Variants in ACAD11 observed in about 807,000 individuals in gnomAD.
ACAD11 encodes the protein acyl-Coenzyme A dehydrogenase family, member 11.
ACAD11 carries 83 observed loss-of-function variants against 102.2 expected under a neutral mutation model. The observed-to-expected ratio is 0.81, with a 90% confidence interval of 0.68 to 0.97. ACAD11 has a LOEUF of 0.97. Ranked by LOEUF, ACAD11 falls within the 50% of genes least tolerant of loss-of-function variation. The pLI is 0.00. For missense variants in ACAD11, 901 were observed against 951.7 expected, an observed-to-expected ratio of 0.95 and a Z score of 0.70; for synonymous variants, 324 against 319.8, an observed-to-expected ratio of 1.01 and a Z score of -0.14.
At chr3:132,587,825 C>A (rs1323257660) in intron 13 of ACAD11, among the ~76,000 whole-genome samples, 1 of 152,142 alleles carries the variant, frequency 6.6e-6, no homozygotes, top group Non-Finnish European at 1.5e-5. Flanking sequence ...CAGCGTAGTT[C>A]TTATTATTTA....
At chr3:132,579,464 G>A (rs1937567903) in intron 14 of ACAD11, 28 bp downstream of exon 14, 1 of 1,584,398 alleles carries the variant, frequency 6.3e-7, no homozygotes, top group African/African-American at 1.3e-5. Context: ...TTCCTACACA[G>A]GTTTCTCAAT....
chr3:132,606,643 GACGAA>G (rs905970229), intron 11 of ACAD11, among the ~76,000 whole-genome samples: 1 of 152,234 alleles, frequency 6.6e-6, no homozygotes, highest in African/African-American at 2.4e-5. Flanking sequence ...GGGGCTTATA[GACGAA>G]ACTCCCATCT....
At chr3:132,604,105 C>G (rs184906401) in intron 12 of ACAD11, among the ~76,000 whole-genome samples, 6 of 152,256 alleles carry the variant, frequency 3.9e-5, no homozygotes, top group African/African-American at 1.4e-4. Context: ...AAACGGAGAT[C>G]AGTTCTGCTA....
chr3:132,650,433 T>A (rs1209195254), intron 1 of ACAD11: 1 of 152,134 alleles, frequency 6.6e-6, no homozygotes, highest in African/African-American at 2.4e-5. Context: ...CAACATGAAG[T>A]TTGAACATGA....
chr3:132,618,477 C>T, intron 11 of ACAD11, 157 bp downstream of exon 11: 2 of 669,964 alleles, frequency 3.0e-6, no homozygotes, highest in Non-Finnish European at 4.5e-6. Flanking sequence ...ATTTCAAATC[C>T]ATTTCTTATA....
intron 3 of ACAD11, 47 bp from the exon 4 acceptor site, chr3:132,642,180 C>A: frequency 6.7e-7 from 1 of 1,502,300 alleles, no homozygotes; most frequent in Non-Finnish European, 9.0e-7. Flanking sequence ...ATAATCAATA[C>A]TTTGTCGAAT....
intron 12 of ACAD11, among the ~76,000 whole-genome samples, chr3:132,604,692 A>G (rs1255956472): frequency 1.3e-5 from 2 of 152,110 alleles, no homozygotes; most frequent in African/African-American, 4.8e-5. Flanking sequence ...TGAAATTTCT[A>G]TTTTTCTGGG....
At chr3:132,651,003 A>G (rs778774456) in intron 1 of ACAD11, among the ~76,000 whole-genome samples, 1 of 152,084 alleles carries the variant, frequency 6.6e-6, no homozygotes, top group South Asian at 2.1e-4. Context: ...TACAGCTTCA[A>G]TATCTTCTCT....
intron 5 of ACAD11, among the ~76,000 whole-genome samples, chr3:132,634,323 T>C (rs1228845266): frequency 1.3e-4 from 20 of 152,040 alleles, no homozygotes; most frequent in East Asian, 1.9e-4. Flanking sequence ...CATCACTGGC[T>C]ATCAGAGAAA....
chr3:132,596,958 G>T (rs1175289694), intron 13 of ACAD11, among the ~76,000 whole-genome samples: 1 of 152,094 alleles, frequency 6.6e-6, no homozygotes, highest in Non-Finnish European at 1.5e-5. Flanking sequence ...TTCTCTAGAT[G>T]CTACCTACAA....
intron 13 of ACAD11, among the ~76,000 whole-genome samples, chr3:132,599,569 A>C (rs957198428): frequency 1.3e-5 from 2 of 152,160 alleles, no homozygotes; most frequent in Non-Finnish European, 2.9e-5. Context: ...GGTGAGAAAC[A>C]TAATAGCTGA....
intron 5 of ACAD11, among the ~76,000 whole-genome samples, chr3:132,637,852 ATTC>A (rs1319543659): frequency 8.5e-5 from 13 of 152,180 alleles, no homozygotes; most frequent in Non-Finnish European, 1.6e-4. Context: ...AAAATTGTTT[ATTC>A]TTCTTTCTTA....
chr3:132,659,066 G>A (rs1034673897), intron 1 of ACAD11, among the ~76,000 whole-genome samples: 1 of 152,070 alleles, frequency 6.6e-6, no homozygotes, highest in Non-Finnish European at 1.5e-5. Flanking sequence ...GATTCCCGGT[G>A]GGGAACGCTA....
intron 1 of ACAD11, among the ~76,000 whole-genome samples, chr3:132,658,627 T>C (rs1400330180): frequency 6.6e-6 from 1 of 152,340 alleles, no homozygotes; most frequent in East Asian, 1.9e-4. Context: ...CAGCTATTCT[T>C]TATTCCACCT....
intron 5 of ACAD11, among the ~76,000 whole-genome samples, chr3:132,638,421 TA>T (rs1940355142): frequency 6.6e-6 from 1 of 152,186 alleles, no homozygotes; most frequent in Admixed American, 6.5e-5. Context: ...AGAGATTGAA[TA>T]ACATGCTTTA....
At chr3:132,615,388 C>A (rs1939364297) in intron 11 of ACAD11, among the ~76,000 whole-genome samples, 1 of 152,132 alleles carries the variant, frequency 6.6e-6, no homozygotes, top group South Asian at 2.1e-4. Context: ...ATGTTTATTG[C>A]AGCACTATTC....
chr3:132,647,473 G>C (rs916912481), intron 1 of ACAD11: 2 of 152,198 alleles, frequency 1.3e-5, no homozygotes, highest in African/African-American at 4.8e-5. Flanking sequence ...ACACTTACTT[G>C]GTTAGAGAAG....
chr3:132,623,161 T>C (rs1209230013), intron 9 of ACAD11, among the ~76,000 whole-genome samples: 2 of 152,164 alleles, frequency 1.3e-5, no homozygotes, highest in African/African-American at 4.8e-5. Context: ...GTCATTAGAA[T>C]AGTTTAAATG....
intron 1 of ACAD11, chr3:132,646,381 G>A (rs937999161): frequency 1.3e-5 from 2 of 152,190 alleles, no homozygotes; most frequent in Non-Finnish European, 2.9e-5. Context: ...TTACAGGCGT[G>A]AGCCATCACG....
Sources: allele counts gnomAD v4.1 joint callset (sites outside exome capture counted in the v4.1 genomes callset), GRCh38; gene constraint gnomAD v4.1.1; transcripts MANE v1.5; gene names NCBI Gene and HGNC (gene_info 2026-07-23, HGNC 2026-07-21).